SLC8A1: variants seen among roughly 807,000 people sequenced by gnomAD.
SLC8A1 encodes sodium/calcium exchanger 1.
Under a neutral mutation model 68.3 loss-of-function variants are expected in SLC8A1, and 18 were observed. That is an observed-to-expected ratio of 0.26 (90% CI 0.18 to 0.39). The LOEUF is 0.39. Ranked by LOEUF, SLC8A1 falls within the 10% of genes least tolerant of loss-of-function variation. SLC8A1 has a pLI of 1.00. For missense variants in SLC8A1, 985 were observed against 1,156.7 expected, an observed-to-expected ratio of 0.85 and a Z score of 2.15; for synonymous variants, 475 against 415.5, an observed-to-expected ratio of 1.14 and a Z score of -1.74.
intron 4 of SLC8A1, among the ~76,000 whole-genome samples, chr2:40,166,915 T>G (rs1347124345): frequency 6.6e-6 from 1 of 152,202 alleles, no homozygotes; most frequent in Non-Finnish European, 1.5e-5. Flanking sequence ...ATTTAAACTG[T>G]GAAGCTATTG....
intron 2 of SLC8A1, among the ~76,000 whole-genome samples, chr2:40,307,514 GA>G (rs1213243023): frequency 6.6e-6 from 1 of 152,112 alleles, no homozygotes; most frequent in African/African-American, 2.4e-5. Flanking sequence ...AGATGGTCAG[GA>G]TAGTAAATTT....
At chr2:40,389,589 A>G (rs898374486) in intron 2 of SLC8A1, among the ~76,000 whole-genome samples, 1 of 151,948 alleles carries the variant, frequency 6.6e-6, no homozygotes, top group Non-Finnish European at 1.5e-5. Context: ...TGTCCCACCA[A>G]TAAAAACTAT....
At chr2:40,327,029 CAATAGT>C (rs1429775041) in intron 2 of SLC8A1, among the ~76,000 whole-genome samples, 1 of 152,116 alleles carries the variant, frequency 6.6e-6, no homozygotes, top group Non-Finnish European at 1.5e-5. Context: ...CTTGTAACAA[CAATAGT>C]AATACAATAT....
chr2:40,254,719 T>C (rs1371637088), intron 2 of SLC8A1: 1 of 152,236 alleles, frequency 6.6e-6, no homozygotes, highest in Non-Finnish European at 1.5e-5. Flanking sequence ...AATTATCAGA[T>C]CCACCAAACT....
intron 1 of SLC8A1, among the ~76,000 whole-genome samples, chr2:40,489,725 T>C (rs1705195903): frequency 6.6e-6 from 1 of 152,038 alleles, no homozygotes; most frequent in African/African-American, 2.4e-5. Flanking sequence ...GTACTTAACC[T>C]TGAGGCTTCA....
chr2:40,484,068 G>T (rs1704802446), intron 1 of SLC8A1, among the ~76,000 whole-genome samples: 1 of 151,932 alleles, frequency 6.6e-6, no homozygotes, highest in African/African-American at 2.4e-5. Flanking sequence ...GCATAGAGAG[G>T]GTATAACTGT....
At chr2:40,496,937 G>T (rs1005796197) in intron 1 of SLC8A1, among the ~76,000 whole-genome samples, 1 of 117,584 alleles carries the variant, frequency 8.5e-6, no homozygotes, top group East Asian at 3.1e-4. Context: ...GGTGGGGGGA[G>T]GGGGGAGGGA....
intron 2 of SLC8A1, among the ~76,000 whole-genome samples, chr2:40,347,678 C>A (rs1669778275): frequency 6.6e-6 from 1 of 152,128 alleles, no homozygotes; most frequent in Admixed American, 6.5e-5. Flanking sequence ...GTTATACTAA[C>A]AATTTTAAAA....
intron 2 of SLC8A1, among the ~76,000 whole-genome samples, chr2:40,300,681 G>A (rs1007942651): frequency 1.4e-4 from 21 of 152,108 alleles, no homozygotes; most frequent in Admixed American, 3.3e-4. Flanking sequence ...TTGGAGACCA[G>A]AAACCTAGCC....
rs71404277 is a variant in SLC8A1, at chr2:40,131,858, A to ATTTTT, written c.2437+7538_2437+7542dup. ...CTGATGAGGATTATCTTGGTATTCTATTTTTTTTTTTTTTTTTTTTTTTTT... is the reference window on the plus strand; with the variant it reads ...CTGATGAGGATTATCTTGGTATTCTATTTTTTTTTTTTTTTTTTTTTTTTTTTTTT... On this transcript the variant is annotated intron_variant, in intron 7 of 7. Transcript: ENST00000406785. Among the ~76,000 whole-genome samples the ATTTTT allele has an allele frequency of 1.4e-4, 13 of 95,552 alleles. 1 individual carries two copies. Among genetic ancestry groups the ATTTTT allele is most frequent in the South Asian group, 3.4e-4 (1 of 2,906 alleles). The allele number at this position is 95,552 out of a possible 152,430, so 62.7% of individuals were successfully genotyped here. A position where few individuals can be genotyped will look rare whatever the true frequency, so the allele number is the denominator to read the frequency against.
chr2:40,399,701 T>A (rs58903807), intron 2 of SLC8A1, among the ~76,000 whole-genome samples: 1 of 152,086 alleles, frequency 6.6e-6, no homozygotes, highest in Admixed American at 6.5e-5. Context: ...CCAAGGACAT[T>A]TGGGGGAAAA....
chr2:40,385,915 A>T (rs1341269441), intron 2 of SLC8A1, among the ~76,000 whole-genome samples: 2 of 151,382 alleles, frequency 1.3e-5, no homozygotes, highest in African/African-American at 4.9e-5. Context: ...TTCCACCACT[A>T]CAAAGATTTG....
chr2:40,339,841 C>G lies in SLC8A1; in HGVS notation c.1808+88632G>C, dbSNP rs567109357. ...ACTTTGTAACTATAAAAATCATGAA[C>G]ATATATCATTATGCAGAAAACAAAT... On this transcript the variant is annotated intron_variant, in intron 2 of 7. Transcript: ENST00000406785. 2.0e-5 allele frequency among the ~76,000 whole-genome samples: 3 copies of G among 152,266 alleles called. No homozygotes were observed. In the South Asian group the frequency reaches 6.2e-4, roughly 32 times the overall value.
chr2:40,432,107 A>T (rs1698447582), intron 1 of SLC8A1, among the ~76,000 whole-genome samples: 1 of 152,050 alleles, frequency 6.6e-6, no homozygotes, highest in Non-Finnish European at 1.5e-5. Context: ...TTTCTGCTTG[A>T]AACAAGGTGA....
intron 6 of SLC8A1, among the ~76,000 whole-genome samples, chr2:40,141,608 G>A (rs1057490642): frequency 1.2e-4 from 19 of 152,292 alleles, no homozygotes; most frequent in Non-Finnish European, 1.6e-4. Flanking sequence ...TTGCTCTGCT[G>A]TTCATGCAGT....
At chr2:40,301,644 C>CG (rs1207067203) in intron 2 of SLC8A1, among the ~76,000 whole-genome samples, 1 of 152,074 alleles carries the variant, frequency 6.6e-6, no homozygotes, top group East Asian at 1.9e-4. Flanking sequence ...GGGCTGGGTG[C>CG]GGTGGCTTAC....
chr2:40,447,235 T>G (rs934362880), intron 1 of SLC8A1, among the ~76,000 whole-genome samples: 2 of 152,182 alleles, frequency 1.3e-5, no homozygotes, highest in African/African-American at 4.8e-5. Flanking sequence ...GTCGAATCTA[T>G]TCAAGATTTT....
chr2:40,159,386 C>T (rs2045250368), intron 6 of SLC8A1, among the ~76,000 whole-genome samples: 1 of 152,140 alleles, frequency 6.6e-6, no homozygotes, highest in African/African-American at 2.4e-5. Context: ...TACAAATGCT[C>T]ATATACCTGC....
chr2:40,208,726 C>T (rs1410494688), intron 2 of SLC8A1, among the ~76,000 whole-genome samples: 1 of 152,164 alleles, frequency 6.6e-6, no homozygotes, highest in Non-Finnish European at 1.5e-5. Flanking sequence ...GTCTCCTCTT[C>T]TTACCACAAT....
Sources: allele counts gnomAD v4.1 joint callset (sites outside exome capture counted in the v4.1 genomes callset), GRCh38; gene constraint gnomAD v4.1.1; transcripts MANE v1.5; gene names NCBI Gene and HGNC (gene_info 2026-07-23, HGNC 2026-07-21).